SCAPER: variants seen among roughly 807,000 people sequenced by gnomAD.
The protein encoded by SCAPER is S phase cyclin A-associated protein in the endoplasmic reticulum.
A neutral mutation model predicts 182.2 loss-of-function variants in SCAPER; 98 were observed. The ratio of observed to expected loss-of-function variants is 0.54; its 90% CI spans 0.46 to 0.64. The LOEUF is 0.64. SCAPER is among the 30% of genes least tolerant of loss of function. The pLI, the probability that SCAPER is intolerant of heterozygous loss-of-function variation, is 0.00. For missense variants in SCAPER, 1,432 were observed against 1,690.0 expected (o/e 0.85, Z 2.68); for synonymous variants, 605 against 564.6 (o/e 1.07, Z -1.01).
intron 14 of SCAPER, among the ~76,000 whole-genome samples, chr15:76,757,552 T>C (rs1015089258): frequency 6.6e-6 from 1 of 152,132 alleles, no homozygotes; most frequent in Non-Finnish European, 1.5e-5. Flanking sequence ...CTATTACGAA[T>C]AATGTTACAG....
At chr15:76,474,823 T>C (rs1323504846) in intron 24 of SCAPER, among the ~76,000 whole-genome samples, 1 of 152,162 alleles carries the variant, frequency 6.6e-6, no homozygotes, top group Non-Finnish European at 1.5e-5. Flanking sequence ...TAAAGCACAG[T>C]GCTTGCCAAA....
At chr15:76,654,811 G>A (rs1340242396) in intron 21 of SCAPER, among the ~76,000 whole-genome samples, 1 of 152,134 alleles carries the variant, frequency 6.6e-6, no homozygotes, top group Non-Finnish European at 1.5e-5. Flanking sequence ...TGGTTGCAGG[G>A]GGCCTGAATG....
chr15:76,798,366 A>G (rs913573870), intron 7 of SCAPER, among the ~76,000 whole-genome samples: 5 of 151,898 alleles, frequency 3.3e-5, no homozygotes, highest in African/African-American at 1.2e-4. Flanking sequence ...TCTTAAAAAA[A>G]AAAAAAAAGA....
At chr15:76,685,026 A>T (rs1480981442) in intron 20 of SCAPER, among the ~76,000 whole-genome samples, 1 of 152,106 alleles carries the variant, frequency 6.6e-6, no homozygotes, top group Non-Finnish European at 1.5e-5. Flanking sequence ...AGAATACATA[A>T]AAAAGATAAT....
chr15:76,363,063 G>A (rs1448654276), intron 29 of SCAPER, among the ~76,000 whole-genome samples: 1 of 152,160 alleles, frequency 6.6e-6, no homozygotes, highest in Non-Finnish European at 1.5e-5. Flanking sequence ...CAGACCAGAA[G>A]ACAGAACCAC....
At chr15:76,472,242 G>A in intron 24 of SCAPER, 1 of 552,352 alleles carries the variant, frequency 1.8e-6, no homozygotes, top group Non-Finnish European at 3.5e-6. Context: ...AAAGGAGAGA[G>A]AGGAGGTACC....
At chr15:76,632,764 C>T (rs1204063074) in intron 21 of SCAPER, among the ~76,000 whole-genome samples, 1 of 142,800 alleles carries the variant, frequency 7.0e-6, no homozygotes, top group Non-Finnish European at 1.5e-5. Flanking sequence ...TCTGAGGCTG[C>T]TGACTTTTTT....
At chr15:76,711,465 A>G (rs1172079254) in intron 17 of SCAPER, among the ~76,000 whole-genome samples, 1 of 152,198 alleles carries the variant, frequency 6.6e-6, no homozygotes, top group Non-Finnish European at 1.5e-5. Context: ...AAATTAAAAT[A>G]ATGAAATACG....
Position 76,381,445 on chromosome 15 carries a change from A to G in SCAPER, c.3638T>C (p.Ile1213Thr), listed in dbSNP as rs779670075. The change falls in exon 28 of 32, where the codon ATC (isoleucine) becomes ACC (threonine). Residue 1213 changes from isoleucine to threonine, a missense_variant. Ile to Thr is a moderately conservative substitution (Grantham distance 89). Transcript: ENST00000563290. Reference sequence around the variant, plus strand: ...ACGTAAACTCTGAATGGCCACTTGGATGGTATTTTGAGTGTAATTCTCCTT... The same window carrying G: ...ACGTAAACTCTGAATGGCCACTTGGGTGGTATTTTGAGTGTAATTCTCCTT... The part of the protein sequence containing the change: ...SPKENYTQNT[I>T]QVAIQSLRFF... 1 of 1,613,786 alleles carries G rather than the reference A, an allele frequency of 6.2e-7. No homozygotes were observed. Among genetic ancestry groups the G allele is most frequent in the Non-Finnish European group, 8.5e-7 (1 of 1,179,844 alleles).
At chr15:76,379,546 C>A (rs2042796473) in intron 28 of SCAPER, among the ~76,000 whole-genome samples, 1 of 151,952 alleles carries the variant, frequency 6.6e-6, no homozygotes, top group Non-Finnish European at 1.5e-5. Context: ...TGGTTTTATT[C>A]CTGCTGTTTT....
chr15:76,542,384 G>T (rs1271991924), intron 23 of SCAPER, among the ~76,000 whole-genome samples: 2 of 151,848 alleles, frequency 1.3e-5, no homozygotes, highest in Non-Finnish European at 2.9e-5. Context: ...TTAGCTGGAT[G>T]TGGTGGTGGC....
At chr15:76,634,664 G>A (rs947419415) in intron 21 of SCAPER, among the ~76,000 whole-genome samples, 5 of 152,006 alleles carry the variant, frequency 3.3e-5, no homozygotes, top group African/African-American at 1.2e-4. Context: ...ACACCACTCT[G>A]GTTAAATGTA....
At chr15:76,387,490 C>T (rs1039499534) in intron 27 of SCAPER, among the ~76,000 whole-genome samples, 6 of 152,232 alleles carry the variant, frequency 3.9e-5, no homozygotes, top group Admixed American at 6.5e-5. Context: ...GGAGGAGTCT[C>T]GGCTTGAGAT....
intron 28 of SCAPER, chr15:76,380,156 T>A (rs1567026570): frequency 6.6e-6 from 1 of 152,178 alleles, no homozygotes; most frequent in Non-Finnish European, 1.5e-5. Context: ...TACGGTGGGC[T>A]TACGTCTTCA....
chr15:76,747,457 A>G (rs2629033), intron 15 of SCAPER, among the ~76,000 whole-genome samples: 147,757 of 152,158 alleles, frequency 0.97, 71,870 homozygotes, highest in South Asian at 1. Context: ...AGCCAAGACC[A>G]CACCACTGCA....
intron 25 of SCAPER, 192 bp downstream of exon 25, chr15:76,471,020 A>C: frequency 2.4e-6 from 1 of 411,846 alleles, no homozygotes; most frequent in Non-Finnish European, 4.1e-6. Context: ...AATCCAATGC[A>C]AAAATTTCAA....
At chr15:76,900,003 C>A (rs1367645631) in intron 1 of SCAPER, among the ~76,000 whole-genome samples, 1 of 152,206 alleles carries the variant, frequency 6.6e-6, no homozygotes, top group Admixed American at 6.5e-5. Context: ...AAGAAAAATT[C>A]TTCTGCCTTG....
intron 23 of SCAPER, among the ~76,000 whole-genome samples, chr15:76,508,645 G>A (rs1204890214): frequency 2.0e-5 from 3 of 152,094 alleles, no homozygotes; most frequent in Non-Finnish European, 4.4e-5. Context: ...GTTTCCTGAT[G>A]ACCAGGCAGG....
chr15:76,587,533 G>T (rs2048757249), intron 22 of SCAPER, among the ~76,000 whole-genome samples: 1 of 152,124 alleles, frequency 6.6e-6, no homozygotes, highest in South Asian at 2.1e-4. Flanking sequence ...TGATTTCATT[G>T]TTGACCCAAT....
Sources: allele counts gnomAD v4.1 joint callset (sites outside exome capture counted in the v4.1 genomes callset), GRCh38; gene constraint gnomAD v4.1.1; transcripts MANE v1.5; gene names NCBI Gene and HGNC (gene_info 2026-07-23, HGNC 2026-07-21).